ZFHX3: variants seen among roughly 807,000 people sequenced by gnomAD.
ZFHX3 encodes zinc finger homeobox protein 3.
A neutral mutation model predicts 279.1 loss-of-function variants in ZFHX3; 42 were observed. The observed-to-expected ratio is 0.15, with a 90% CI of 0.12 to 0.19. ZFHX3 has a LOEUF of 0.19. Ranked by LOEUF, ZFHX3 falls within the 10% of genes least tolerant of loss-of-function variation. The pLI, the probability that ZFHX3 is intolerant of heterozygous loss-of-function variation, is 1.00. For synonymous variants in ZFHX3, 2,293 were observed against 1,957.8 expected, an observed-to-expected ratio of 1.17 and a Z score of -4.52; for missense variants, 4,981 against 4,754.0, an observed-to-expected ratio of 1.05 and a Z score of -1.40.
chr16:73,059,525 T>TCC (rs1491165472), exon 1 of ZFHX3: 1 of 12,772 alleles, frequency 7.8e-5, no homozygotes, highest in Non-Finnish European at 1.3e-4. Context: ...TTTTCCCCTT[T>TCC]CTCTCTCTCT....
intron 1 of ZFHX3, among the ~76,000 whole-genome samples, chr16:73,762,603 A>G (rs891653798): frequency 6.6e-6 from 1 of 152,230 alleles, no homozygotes; most frequent in African/African-American, 2.4e-5. Flanking sequence ...CAGACTGGAT[A>G]AAGAAAATGT....
intron 2 of ZFHX3, among the ~76,000 whole-genome samples, chr16:73,539,910 GA>G (rs1174273556): frequency 6.6e-6 from 1 of 152,184 alleles, no homozygotes; most frequent in Non-Finnish European, 1.5e-5. Flanking sequence ...AGTATATACA[GA>G]CAAACTGTTT....
intron 5 of ZFHX3, among the ~76,000 whole-genome samples, chr16:73,173,013 T>G (rs1967575728): frequency 1.7e-5 from 2 of 117,026 alleles, no homozygotes; most frequent in Non-Finnish European, 3.7e-5. Flanking sequence ...TTTTTGTTTT[T>G]TTTTTTTTTT....
intron 4 of ZFHX3, among the ~76,000 whole-genome samples, chr16:73,265,042 A>T (rs546605991): frequency 1.4e-3 from 208 of 144,328 alleles, no homozygotes; most frequent in Middle Eastern, 7.8e-3. Context: ...ATAACACCTC[A>T]GCGCATATAT....
chr16:73,512,871 C>T (rs2019457285), intron 2 of ZFHX3, among the ~76,000 whole-genome samples: 2 of 152,194 alleles, frequency 1.3e-5, no homozygotes, highest in African/African-American at 2.4e-5. Flanking sequence ...CCAGAGGACA[C>T]TCCCTTCACT....
At chr16:73,687,011 A>AATATATATAT (rs58565282) in intron 1 of ZFHX3, among the ~76,000 whole-genome samples, 87 of 53,178 alleles carry the variant, frequency 1.6e-3, no homozygotes, top group South Asian at 2.9e-3. Context: ...TTTGCAGCTA[A>AATATATATAT]ATATATATAT....
At chr16:73,045,024 C>A (rs1379962193) in intron 1 of ZFHX3, among the ~76,000 whole-genome samples, 2 of 152,136 alleles carry the variant, frequency 1.3e-5, no homozygotes, top group Admixed American at 6.5e-5. Flanking sequence ...TAAATATTTA[C>A]TTTTTAAGAT....
At chr16:73,879,362 C>T (rs1489260102) in intron 1 of ZFHX3, among the ~76,000 whole-genome samples, 1 of 151,108 alleles carries the variant, frequency 6.6e-6, no homozygotes, top group African/African-American at 2.4e-5. Context: ...TGTTCTTATG[C>T]GGTATGGGAT....
intron 2 of ZFHX3, among the ~76,000 whole-genome samples, chr16:73,672,026 G>A (rs1229136552): frequency 6.7e-6 from 1 of 150,088 alleles, no homozygotes; most frequent in Non-Finnish European, 1.5e-5. Flanking sequence ...ACCCAAGAAT[G>A]AGGGACAGAT....
At chr16:73,660,946 T>C (rs1477110666) in intron 2 of ZFHX3, among the ~76,000 whole-genome samples, 1 of 152,212 alleles carries the variant, frequency 6.6e-6, no homozygotes, top group African/African-American at 2.4e-5. Context: ...GATCTACACG[T>C]ATCTACTGAC....
At chr16:73,491,364 T>G (rs2019053104) in intron 2 of ZFHX3, among the ~76,000 whole-genome samples, 1 of 152,222 alleles carries the variant, frequency 6.6e-6, no homozygotes, top group Non-Finnish European at 1.5e-5. Flanking sequence ...ATGGCTTCAA[T>G]TCACTGCAAA....
chr16:73,432,438 G>C (rs2017925813), intron 3 of ZFHX3, among the ~76,000 whole-genome samples: 1 of 152,114 alleles, frequency 6.6e-6, no homozygotes, highest in Non-Finnish European at 1.5e-5. Flanking sequence ...GAGGAGTCCA[G>C]AGCCCAACCC....
intron 5 of ZFHX3, among the ~76,000 whole-genome samples, chr16:73,164,312 T>G (rs1055497423): frequency 6.6e-6 from 1 of 152,192 alleles, no homozygotes; most frequent in African/African-American, 2.4e-5. Context: ...CCCAAAGACA[T>G]GGATGTGCTT....
rs1302881541 is a variant in ZFHX3 at position 72,794,339 on chromosome 16, C to T, written c.8343G>A (p.Gln2781=). 3 of 1,603,580 alleles carry T rather than the reference C, an allele frequency of 1.9e-6. No homozygotes were observed. Among genetic ancestry groups the T allele is most frequent in the East Asian group, 4.5e-5 (2 of 44,792 alleles). Residue 2781 remains glutamine, a synonymous_variant, in exon 9 of 10, where the codon CAG becomes CAA. Transcript: ENST00000268489. This position sits in a 1 kb window ranked among gnomAD's most constrained non-coding sequence, Gnocchi z 4.2. ...SHLPPSSSDG[Q]GVPLSPVSKT... is the part of the protein sequence containing the mutation. ...TACTCACAGGTGAGAGGGGGACACCCTGACCATCACTACTGCTTGGGGGTA... is the reference window on the plus strand; with the variant it reads ...TACTCACAGGTGAGAGGGGGACACCTTGACCATCACTACTGCTTGGGGGTA...
intron 1 of ZFHX3, among the ~76,000 whole-genome samples, chr16:73,725,171 G>T (rs1012470954): frequency 6.6e-6 from 1 of 151,994 alleles, no homozygotes; most frequent in South Asian, 2.1e-4. Flanking sequence ...CAATACATAG[G>T]GTCTAATAAA....
intron 1 of ZFHX3, among the ~76,000 whole-genome samples, chr16:73,835,509 C>T (rs1961121978): frequency 9.9e-6 from 1 of 101,014 alleles, no homozygotes; most frequent in African/African-American, 3.8e-5. Context: ...TCACTCTTGT[C>T]ATCAAGGCTG....
intron 4 of ZFHX3, among the ~76,000 whole-genome samples, chr16:73,293,362 C>A (rs2014823046): frequency 6.6e-6 from 1 of 152,142 alleles, no homozygotes. Flanking sequence ...TAAAGACTGA[C>A]TGATTTGCAG....
intron 8 of ZFHX3, chr16:73,093,033 T>G (rs765029285): frequency 1.2e-5 from 6 of 520,012 alleles, no homozygotes; most frequent in Admixed American, 5.8e-5. Context: ...TCTTCCATCC[T>G]TTCAAACATC....
intron 1 of ZFHX3, among the ~76,000 whole-genome samples, chr16:73,795,231 C>G (rs1959956792): frequency 6.6e-6 from 1 of 152,222 alleles, no homozygotes; most frequent in Admixed American, 6.5e-5. Flanking sequence ...CAAGAAAACT[C>G]TCTCCAGACT....
Sources: allele counts gnomAD v4.1 joint callset (sites outside exome capture counted in the v4.1 genomes callset), GRCh38; gene constraint gnomAD v4.1.1; non-coding constraint Gnocchi (gnomAD v3.1); transcripts MANE v1.5; gene names NCBI Gene and HGNC (gene_info 2026-07-23, HGNC 2026-07-21).